CDK14: variants seen among roughly 807,000 people sequenced by gnomAD.
CDK14 encodes cyclin-dependent kinase 14.
CDK14 carries 34 observed loss-of-function variants against 60.7 expected under a neutral mutation model. The ratio of observed to expected loss-of-function variants is 0.56; its 90% CI spans 0.43 to 0.75. The LOEUF is 0.75. CDK14 is among the 30% of genes least tolerant of loss of function. The probability of loss-of-function intolerance (pLI) is 0.00; values close to 1 mark genes in which losing one functional copy is unlikely to be tolerated. For missense variants in CDK14, 482 were observed against 564.1 expected (o/e 0.85, Z 1.47); for synonymous variants, 197 against 203.7 (o/e 0.97, Z 0.28).
At chr7:91,053,171 C>A (rs1797441316) in intron 11 of CDK14, among the ~76,000 whole-genome samples, 1 of 152,172 alleles carries the variant, frequency 6.6e-6, no homozygotes, top group African/African-American at 2.4e-5. Context: ...TTATTATTTA[C>A]AAAGCATTTT....
At chr7:90,857,742 G>A (rs1165056857) in intron 5 of CDK14, among the ~76,000 whole-genome samples, 1 of 152,204 alleles carries the variant, frequency 6.6e-6, no homozygotes, top group Non-Finnish European at 1.5e-5. Flanking sequence ...GAACTTGTAG[G>A]TGTTAATCTC....
At chr7:91,117,111 C>G (rs1177938707) in intron 13 of CDK14, among the ~76,000 whole-genome samples, 1 of 146,724 alleles carries the variant, frequency 6.8e-6, no homozygotes, top group South Asian at 2.3e-4. Flanking sequence ...CTTAATCTTA[C>G]CAAAACTGAA....
intron 10 of CDK14, among the ~76,000 whole-genome samples, chr7:91,039,527 A>G (rs1797030063): frequency 6.6e-6 from 1 of 152,074 alleles, no homozygotes; most frequent in Admixed American, 6.5e-5. Flanking sequence ...TCCAGAGACC[A>G]CTGCTGTTAC....
At chr7:90,721,679 T>C (rs1802460584) in intron 2 of CDK14, among the ~76,000 whole-genome samples, 1 of 152,186 alleles carries the variant, frequency 6.6e-6, no homozygotes, top group South Asian at 2.1e-4. Flanking sequence ...GGCCAAAATC[T>C]GGGCACTAGG....
chr7:90,846,807 G>A (rs932894889), intron 5 of CDK14, among the ~76,000 whole-genome samples: 1 of 152,118 alleles, frequency 6.6e-6, no homozygotes, highest in Non-Finnish European at 1.5e-5. Flanking sequence ...GTGGCCCCCA[G>A]CATCCTAATG....
intron 6 of CDK14, among the ~76,000 whole-genome samples, chr7:90,880,388 G>C: frequency 6.6e-6 from 1 of 152,270 alleles, no homozygotes. Context: ...TTCCCTGCAG[G>C]ATCTCCAGTA....
chr7:90,919,687 A>G (rs1007965468), intron 8 of CDK14, among the ~76,000 whole-genome samples: 1 of 152,140 alleles, frequency 6.6e-6, no homozygotes, highest in Non-Finnish European at 1.5e-5. Flanking sequence ...TGTCATGAAC[A>G]TTTTCTTATT....
chr7:91,145,439 T>A (rs1471456941), intron 14 of CDK14, among the ~76,000 whole-genome samples: 5 of 152,186 alleles, frequency 3.3e-5, no homozygotes, highest in African/African-American at 1.2e-4. Flanking sequence ...CGCAAAAAAA[T>A]TTTAATTACC....
intron 2 of CDK14, among the ~76,000 whole-genome samples, chr7:90,722,141 C>A (rs561634775): frequency 1.1e-4 from 16 of 151,238 alleles, no homozygotes; most frequent in African/African-American, 3.9e-4. Context: ...TCCCCTCTTA[C>A]CCCTCTTCCC....
At chr7:90,602,022 G>A (rs959538110) in intron 1 of CDK14, among the ~76,000 whole-genome samples, 1 of 152,060 alleles carries the variant, frequency 6.6e-6, no homozygotes, top group Non-Finnish European at 1.5e-5. Context: ...GCCCAGGCTG[G>A]TCTCAAACTC....
At chr7:91,065,807 C>T (rs970733625) in intron 11 of CDK14, among the ~76,000 whole-genome samples, 2 of 152,174 alleles carry the variant, frequency 1.3e-5, no homozygotes, top group African/African-American at 4.8e-5. Flanking sequence ...ACAATAAGTA[C>T]TTGTAGAATG....
chr7:91,114,008 A>AT (rs913080968), intron 13 of CDK14, among the ~76,000 whole-genome samples: 1 of 151,990 alleles, frequency 6.6e-6, no homozygotes, highest in Non-Finnish European at 1.5e-5. Flanking sequence ...GCTATCCTCA[A>AT]TTTTTTTTAA....
At chr7:91,086,660 G>T (rs1053532689) in intron 12 of CDK14, among the ~76,000 whole-genome samples, 128 of 149,304 alleles carry the variant, frequency 8.6e-4, no homozygotes, top group African/African-American at 1.2e-3. Flanking sequence ...GGCCCCTGTG[G>T]GTGTGTGTGT....
rs969480914 is a variant in CDK14, at chr7:90,844,695, A to G, written c.545-18480A>G. Among the ~76,000 whole-genome samples the G allele has an allele frequency of 3.9e-5, 6 of 152,214 alleles. No individual in the cohort carries two copies. The South Asian group carries it at 1.0e-3, about 26-fold the overall frequency. ...AACCCTCTCTGCAGTCAACAAATGA[A>G]GGATAAGAAAATCTCAGTTTTTAAA... On this transcript the variant is annotated intron_variant, in intron 5 of 14. Coordinates refer to ENST00000380050, the MANE Select transcript of CDK14 (RefSeq NM_001287135.2).
At chr7:90,725,347 A>G (rs958282695) in intron 2 of CDK14, among the ~76,000 whole-genome samples, 11 of 152,262 alleles carry the variant, frequency 7.2e-5, no homozygotes, top group South Asian at 4.1e-4. Flanking sequence ...ACAAATATCT[A>G]TATCTATGCA....
At chr7:90,990,279 A>G (rs971219081) in intron 10 of CDK14, among the ~76,000 whole-genome samples, 2 of 152,194 alleles carry the variant, frequency 1.3e-5, no homozygotes, top group African/African-American at 4.8e-5. Flanking sequence ...CCCCGTCTCT[A>G]GAAAAGAAAT....
chr7:91,154,179 T>TTA (rs202166198), intron 14 of CDK14, among the ~76,000 whole-genome samples: 14 of 151,542 alleles, frequency 9.2e-5, no homozygotes, highest in Admixed American at 9.2e-4. Context: ...TTTTTTTTTT[T>TTA]AAACAGAATT....
chr7:90,732,390 G>C (rs960234375), intron 3 of CDK14, among the ~76,000 whole-genome samples: 1 of 152,144 alleles, frequency 6.6e-6, no homozygotes, highest in Non-Finnish European at 1.5e-5. Flanking sequence ...TTTTTCTGTT[G>C]TTTGGAATCG....
intron 2 of CDK14, among the ~76,000 whole-genome samples, chr7:90,637,255 T>C (rs201848902): frequency 0.31 from 45,910 of 150,106 alleles, 7,788 homozygotes; most frequent in East Asian, 0.66. Context: ...CTTTCCTGCT[T>C]TCTCTTGTGG....
Sources: allele counts gnomAD v4.1 joint callset (sites outside exome capture counted in the v4.1 genomes callset), GRCh38; gene constraint gnomAD v4.1.1; transcripts MANE v1.5; gene names NCBI Gene and HGNC (gene_info 2026-07-23, HGNC 2026-07-21).